Variants in RERE observed in about 807,000 individuals in gnomAD.
RERE encodes the protein arginine-glutamic acid dipeptide repeats protein.
In RERE, 40 loss-of-function variants were observed where a neutral mutation model predicts 146.1. That is an observed-to-expected ratio of 0.27 (90% CI 0.21 to 0.36). The LOEUF is 0.36. RERE is among the 10% of genes least tolerant of loss of function. RERE has a pLI of 1.00. For synonymous variants in RERE, 1,003 were observed against 866.0 expected (o/e 1.16, Z -2.78); for missense variants, 1,933 against 2,138.7 (o/e 0.90, Z 1.90).
At chr1:8,366,916 C>CAAAAAAAAAAAAAAAAAAAAAAAAAAA (rs5772317) in intron 12 of RERE, among the ~76,000 whole-genome samples, 1 of 107,682 alleles carries the variant, frequency 9.3e-6, no homozygotes, top group Non-Finnish European at 1.8e-5. Context: ...AAAAAAAAAA[C>CAAAAAAAAAAAAAAAAAAAAAAAAAAA]AAAAAAAAAA....
intron 1 of RERE, among the ~76,000 whole-genome samples, chr1:8,705,579 G>A (rs1053308705): frequency 2.0e-5 from 3 of 152,220 alleles, no homozygotes; most frequent in South Asian, 2.1e-4. Context: ...ATTGATCTCC[G>A]TTTGTAAGTC....
intron 10 of RERE, among the ~76,000 whole-genome samples, chr1:8,480,624 C>T (rs1391980646): frequency 3.3e-5 from 5 of 151,586 alleles, no homozygotes; most frequent in East Asian, 3.9e-4. Flanking sequence ...TTAGTAGAGA[C>T]GGGGTTTCAC....
intron 11 of RERE, among the ~76,000 whole-genome samples, chr1:8,451,518 A>G (rs965598971): frequency 6.6e-6 from 1 of 152,156 alleles, no homozygotes; most frequent in Non-Finnish European, 1.5e-5. Flanking sequence ...CTTTGGCTGC[A>G]TATTAGTGTC....
At chr1:8,541,144 CACAT>C (rs2124390453) in intron 7 of RERE, 66 bp downstream of exon 7, 5 of 827,468 alleles carry the variant, frequency 6.0e-6, no homozygotes, top group East Asian at 2.5e-5. Context: ...CACACACACA[CACAT>C]ACACACACAC....
intron 1 of RERE, among the ~76,000 whole-genome samples, chr1:8,797,015 G>T (rs1038006352): frequency 2.0e-5 from 3 of 152,002 alleles, no homozygotes; most frequent in Admixed American, 6.6e-5. Context: ...ACAGACAAGG[G>T]CTGTCAGAGG....
At chr1:8,511,047 C>A (rs1212501871) in intron 7 of RERE, among the ~76,000 whole-genome samples, 1 of 152,130 alleles carries the variant, frequency 6.6e-6, no homozygotes, top group Non-Finnish European at 1.5e-5. Flanking sequence ...AGCCACCGCA[C>A]TCACCGCCCA....
chr1:8,543,379 C>T (rs74050220), intron 6 of RERE, among the ~76,000 whole-genome samples: 4,289 of 152,186 alleles, frequency 0.028, 176 homozygotes, highest in African/African-American at 0.097. Flanking sequence ...GAGATAACAC[C>T]TACTGCACTT....
At chr1:8,437,944 G>A (rs964260313) in intron 11 of RERE, among the ~76,000 whole-genome samples, 1 of 147,480 alleles carries the variant, frequency 6.8e-6, no homozygotes, top group Non-Finnish European at 1.5e-5. Flanking sequence ...ATGCTATGAA[G>A]GAGAAACCTC....
At chr1:8,366,110 G>T in intron 12 of RERE, 136 bp from the exon 13 acceptor site, 1 of 944,826 alleles carries the variant, frequency 1.1e-6, no homozygotes, top group African/African-American at 1.6e-5. Flanking sequence ...CGCTCCTGGA[G>T]TTGGGAGAGG....
intron 10 of RERE, 143 bp downstream of exon 10, chr1:8,494,920 C>T (rs1307740024): frequency 1.6e-6 from 1 of 644,034 alleles, no homozygotes; most frequent in Non-Finnish European, 2.9e-6. Context: ...GCCTGGAGCC[C>T]CCATGGCACC....
chr1:8,501,026 C>CGGGGGG, intron 8 of RERE, among the ~76,000 whole-genome samples: 1 of 60,602 alleles, frequency 1.7e-5, no homozygotes, highest in Non-Finnish European at 3.6e-5. Flanking sequence ...GCCACCCCGT[C>CGGGGGG]CGGGAGGGGG....
intron 1 of RERE, among the ~76,000 whole-genome samples, chr1:8,737,383 T>C (rs1640222000): frequency 6.6e-6 from 1 of 152,192 alleles, no homozygotes. Context: ...AATTGCCACG[T>C]TTTCCCTCCA....
intron 1 of RERE, among the ~76,000 whole-genome samples, chr1:8,727,429 A>G (rs1281235481): frequency 6.6e-6 from 1 of 152,198 alleles, no homozygotes; most frequent in Non-Finnish European, 1.5e-5. Context: ...GATGTGAGCC[A>G]CCGCATCTGG....
At position 8,789,282 on chromosome 1, in the gene RERE, C is replaced by CAAAAAAAAAAAA. The variant is rs58993452; in HGVS notation, c.-145+27866_-145+27877dup. ...CAACACAGCAAGACCTCCTCTCTAC[C>CAAAAAAAAAAAA]AAAAAAAAAAAAAAAAAAAATATAT... On this transcript the variant is annotated intron_variant, in intron 1 of 22. Transcript: ENST00000400908. Among the ~76,000 whole-genome samples, 196 of 38,486 alleles carry CAAAAAAAAAAAA rather than the reference C, an allele frequency of 5.1e-3. 17 individuals carry two copies. The highest frequency in any genetic ancestry group is 0.029 in the Middle Eastern group (1 of 34). The allele number at this position is 38,486 out of a possible 152,430, so 25.2% of individuals were successfully genotyped here.
chr1:8,798,295 G>A (rs1280648695), intron 1 of RERE, among the ~76,000 whole-genome samples: 1 of 152,114 alleles, frequency 6.6e-6, no homozygotes, highest in Non-Finnish European at 1.5e-5. Flanking sequence ...TACCTGGGAG[G>A]CTGAGGCAAG....
chr1:8,413,633 T>C (rs950361077), intron 12 of RERE, among the ~76,000 whole-genome samples: 1 of 152,062 alleles, frequency 6.6e-6, no homozygotes, highest in African/African-American at 2.4e-5. Context: ...CATGAGCCAC[T>C]GTACCTGCCC....
At chr1:8,417,238 T>C (rs1193160563) in intron 12 of RERE, among the ~76,000 whole-genome samples, 1 of 152,214 alleles carries the variant, frequency 6.6e-6, no homozygotes, top group Non-Finnish European at 1.5e-5. Context: ...AGAAACCTGA[T>C]TACTCAGTCT....
At chr1:8,457,757 C>T (rs1174083057) in intron 11 of RERE, among the ~76,000 whole-genome samples, 1 of 152,026 alleles carries the variant, frequency 6.6e-6, no homozygotes, top group Non-Finnish European at 1.5e-5. Flanking sequence ...CGCACCACCA[C>T]GCCCAGCTAA....
chr1:8,383,674 C>A (rs963566767), intron 12 of RERE, among the ~76,000 whole-genome samples: 3 of 152,024 alleles, frequency 2.0e-5, no homozygotes, highest in African/African-American at 7.2e-5. Flanking sequence ...GCCTGACCAA[C>A]ACGGTGAAAC....
Sources: allele counts gnomAD v4.1 joint callset (sites outside exome capture counted in the v4.1 genomes callset), GRCh38; gene constraint gnomAD v4.1.1; transcripts MANE v1.5; gene names NCBI Gene and HGNC (gene_info 2026-07-23, HGNC 2026-07-21).